KDM4B: variants seen among roughly 807,000 people sequenced by gnomAD.
The protein encoded by KDM4B is lysine demethylase 4B, also known as lysine-specific demethylase 4B.
A neutral mutation model predicts 125.2 loss-of-function variants in KDM4B; 32 were observed. The ratio of observed to expected loss-of-function variants is 0.26; its 90% CI spans 0.19 to 0.34. KDM4B has a LOEUF of 0.34. KDM4B is among the 10% of genes least tolerant of loss of function. The pLI, the probability that KDM4B is intolerant of heterozygous loss-of-function variation, is 1.00. For synonymous variants in KDM4B, 721 were observed against 677.9 expected (o/e 1.06, Z -0.99); for missense variants, 1,190 against 1,577.7 (o/e 0.75, Z 4.16).
chr19:5,028,659 T>G (rs1462487872), intron 2 of KDM4B, among the ~76,000 whole-genome samples: 1 of 152,208 alleles, frequency 6.6e-6, no homozygotes, highest in Non-Finnish European at 1.5e-5. Flanking sequence ...CAAGCTGTCT[T>G]GCAGAGCAGC....
At chr19:4,986,227 A>C (rs2145350925) in intron 1 of KDM4B, among the ~76,000 whole-genome samples, 1 of 152,302 alleles carries the variant, frequency 6.6e-6, no homozygotes, top group East Asian at 1.9e-4. Context: ...CAGGGGCTTC[A>C]CGAGCCACAT....
At chr19:5,095,995 A>G (rs891624670) in intron 9 of KDM4B, among the ~76,000 whole-genome samples, 2 of 152,148 alleles carry the variant, frequency 1.3e-5, no homozygotes, top group South Asian at 4.1e-4. Context: ...TCAGCTTCAC[A>G]GGGAGCTTGT....
intron 11 of KDM4B, among the ~76,000 whole-genome samples, chr19:5,125,052 G>A (rs757627012): frequency 1.3e-5 from 2 of 151,706 alleles, no homozygotes; most frequent in Non-Finnish European, 2.9e-5. Context: ...GACGTGCACC[G>A]CAACTCCGCT....
chr19:5,066,982 T>C (rs1199464419), intron 6 of KDM4B, among the ~76,000 whole-genome samples: 1 of 152,114 alleles, frequency 6.6e-6, no homozygotes, highest in Non-Finnish European at 1.5e-5. Flanking sequence ...TCCCGGCCGA[T>C]GTGAGTCCTC....
Position 5,136,478 on chromosome 19 carries a change from C to T in KDM4B, c.2309-784C>T, listed in dbSNP as rs372175385. On this transcript the variant is annotated intron_variant, in intron 15 of 22. Transcript: ENST00000159111. ...CCTGGCGGTGGCCTGCCTGGGGGCT[C>T]GCGTTGTCTCCTGGCTGGGAGGCTC... Among the ~76,000 whole-genome samples, 4 of 152,056 alleles carry T rather than the reference C, an allele frequency of 2.6e-5. No homozygotes were observed. The South Asian group carries it at 6.2e-4, about 24-fold the overall frequency.
At chr19:5,139,496 A>T (rs1168137969) in intron 18 of KDM4B, among the ~76,000 whole-genome samples, 2 of 152,206 alleles carry the variant, frequency 1.3e-5, no homozygotes, top group Admixed American at 1.3e-4. Context: ...TTAGCACTGG[A>T]GGAAACTGCT....
chr19:5,113,336 CT>C (rs11364612), intron 10 of KDM4B: 72,543 of 145,426 alleles, frequency 0.5, 17,721 homozygotes, highest in East Asian at 0.67. Flanking sequence ...GGCTGATTCA[CT>C]TTTTTTTTTT....
chr19:5,007,224 C>T (rs911149340), intron 1 of KDM4B, among the ~76,000 whole-genome samples: 2 of 152,204 alleles, frequency 1.3e-5, no homozygotes, highest in African/African-American at 4.8e-5. Context: ...CAGGCTCTGC[C>T]ATATTGGAGA....
rs1226980487 is a variant in KDM4B, at chr19:5,133,975, T to C, written c.1999T>C (p.Phe667Leu). 1.4e-5 allele frequency: 22 copies of C among 1,612,648 alleles called. No homozygotes were observed. Among genetic ancestry groups the C allele is most frequent in the Non-Finnish European group, 1.4e-5 (17 of 1,179,950 alleles). Residue 667 changes from phenylalanine to leucine, a missense_variant, in exon 14 of 23, where the codon TTC becomes CTC. This residue lies in a region of KDM4B where 128 missense variants were observed against 137.8 expected (regional missense o/e 0.93). Transcript: ENST00000159111. ...SLQWKNRAAS[F>L]QAERKFNAAA... ...GCAGTGGAAGAACAGGGCGGCCAGCTTCCAGGCCGAGAGGAAGTTCAACGC... is the reference window on the plus strand; with the variant it reads ...GCAGTGGAAGAACAGGGCGGCCAGCCTCCAGGCCGAGAGGAAGTTCAACGC...
In KDM4B at chr19:5,035,490, C is replaced by G. The variant is rs976474951; in HGVS notation, c.141+2459C>G. On this transcript the variant is annotated intron_variant, in intron 3 of 22. Coordinates refer to ENST00000159111, the MANE Select transcript of KDM4B (RefSeq NM_015015.3). This position sits in a 1 kb window ranked among gnomAD's most constrained non-coding sequence, Gnocchi z 5.3. ...CCGGCTCTCTCTGCCCTCCACGTGG[C>G]GGCCTTGGGTGCAGCCTGGGTTCCC... 6.6e-5 allele frequency among the ~76,000 whole-genome samples: 10 copies of G among 152,126 alleles called. No individual in the cohort carries two copies. The highest frequency in any genetic ancestry group is 5.9e-4 in the Admixed American group (9 of 15,282).
At chr19:5,039,811 A>G (rs1011643177) in intron 3 of KDM4B, 25 bp from the exon 4 acceptor site, 5 of 1,606,894 alleles carry the variant, frequency 3.1e-6, no homozygotes, top group Middle Eastern at 1.7e-4. Flanking sequence ...TGAGGGTGCC[A>G]CTGACTCCCA....
At chr19:5,112,609 C>G (rs1463830983) in intron 10 of KDM4B, 2 of 152,246 alleles carry the variant, frequency 1.3e-5, no homozygotes, top group East Asian at 1.9e-4. Context: ...TAAATGGGCG[C>G]CTTCTTTTTC....
At chr19:5,037,559 A>G (rs2036669332) in intron 3 of KDM4B, among the ~76,000 whole-genome samples, 1 of 152,184 alleles carries the variant, frequency 6.6e-6, no homozygotes, top group Non-Finnish European at 1.5e-5. Context: ...GAGTCTCCAG[A>G]AAGAGCCGGC....
intron 2 of KDM4B, among the ~76,000 whole-genome samples, chr19:5,016,575 G>T (rs1360431676): frequency 6.6e-6 from 1 of 152,232 alleles, no homozygotes; most frequent in East Asian, 1.9e-4. Context: ...TCGCCCTTCG[G>T]CATCGAACCA....
chr19:5,130,968 G>T lies in KDM4B; in HGVS notation c.1316-108G>T. On this transcript the variant is annotated intron_variant, in intron 11 of 22. Coordinates refer to ENST00000159111, the MANE Select transcript of KDM4B (RefSeq NM_015015.3). ...CATGTTCGTGTGGCCTCTCTGGGTG[G>T]AAGGAGCCCTCGACCATCCCAGTCA... 3.6e-6 allele frequency: 3 copies of T among 824,858 alleles called. No individual in the cohort carries two copies. In the Admixed American group the frequency reaches 8.9e-5, roughly 25 times the overall value. The allele number at this position is 824,858 out of a possible 1,614,324, so 51.1% of individuals were successfully genotyped here.
chr19:4,984,340 T>G (rs197153), intron 1 of KDM4B, among the ~76,000 whole-genome samples: 47,547 of 152,018 alleles, frequency 0.31, 8,147 homozygotes, highest in East Asian at 0.69. Flanking sequence ...CAGCTTAGGG[T>G]TTATGCTGCT....
chr19:5,150,498 C>T (rs1413648979), intron 22 of KDM4B, 48 bp downstream of exon 22: 13 of 1,355,684 alleles, frequency 9.6e-6, no homozygotes, highest in Middle Eastern at 2.3e-4. Context: ...TCAGGGAGCC[C>T]GTCTGGGACG....
intron 3 of KDM4B, among the ~76,000 whole-genome samples, chr19:5,034,751 A>G (rs1204873586): frequency 1.3e-5 from 2 of 151,946 alleles, no homozygotes; most frequent in African/African-American, 2.4e-5. Context: ...TCGCATTGTT[A>G]TTTCTTTGTC....
At chr19:5,065,948 G>T (rs1338429005) in intron 6 of KDM4B, among the ~76,000 whole-genome samples, 1 of 152,206 alleles carries the variant, frequency 6.6e-6, no homozygotes, top group South Asian at 2.1e-4. Context: ...CGCTGGCTGA[G>T]CCTGGTGGGG....
Sources: allele counts gnomAD v4.1 joint callset (sites outside exome capture counted in the v4.1 genomes callset), GRCh38; gene constraint gnomAD v4.1.1; regional missense constraint gnomAD v4.1.1; non-coding constraint Gnocchi (gnomAD v3.1); transcripts MANE v1.5; gene names NCBI Gene and HGNC (gene_info 2026-07-23, HGNC 2026-07-21).